The following SIRT5 variants were observed in gnomAD, a reference collection of about 807,000 sequenced individuals.
SIRT5 encodes the protein NAD-dependent protein deacylase sirtuin-5, mitochondrial.
A neutral mutation model predicts 40.0 loss-of-function variants in SIRT5; 26 were observed. That is an observed-to-expected ratio of 0.65 (90% confidence interval 0.48 to 0.90). The LOEUF (loss-of-function observed/expected upper bound fraction) is 0.90. Ranked by LOEUF, SIRT5 falls within the 40% of genes least tolerant of loss-of-function variation. SIRT5 has a pLI of 0.00. For synonymous variants in SIRT5, 146 were observed against 149.1 expected (o/e 0.98, Z 0.15); for missense variants, 401 against 402.4 (o/e 1.00, Z 0.03).
intron 6 of SIRT5, among the ~76,000 whole-genome samples, chr6:13,596,322 T>A (rs939472858): frequency 1.3e-5 from 2 of 152,182 alleles, no homozygotes; most frequent in Non-Finnish European, 2.9e-5. Context: ...CCACTCAGCC[T>A]TTTAAAAACA....
chr6:13,590,697 ATGTG>A, intron 4 of SIRT5, among the ~76,000 whole-genome samples: 1 of 149,746 alleles, frequency 6.7e-6, no homozygotes, highest in East Asian at 2.0e-4. Flanking sequence ...GTATGTAGAT[ATGTG>A]TGTATGTTTA....
chr6:13,601,190 C>T (rs1213930535), intron 9 of SIRT5, among the ~76,000 whole-genome samples: 2 of 152,268 alleles, frequency 1.3e-5, no homozygotes, highest in South Asian at 2.1e-4. Context: ...TTTGAACGCT[C>T]TTCTTGGATT....
intron 9 of SIRT5, among the ~76,000 whole-genome samples, chr6:13,610,532 GAT>G (rs1482935480): frequency 6.6e-6 from 1 of 152,204 alleles, no homozygotes; most frequent in African/African-American, 2.4e-5. Context: ...CACACTCGGG[GAT>G]GAGGTATCAT....
Position 13,600,947 on chromosome 6 carries a change from C to A in SIRT5, c.855C>A (p.Phe285Leu), listed in dbSNP as rs9464003. ...AGACCACCCCAGCTACGAACAGATTCAGGTACTGGGATACCCTGATGGGAG... is the reference window on the plus strand; with the variant it reads ...AGACCACCCCAGCTACGAACAGATTAAGGTACTGGGATACCCTGATGGGAG... ...NTETTPATNR[F>L]RFHFQGPCGT... Residue 285 changes from phenylalanine (F) to leucine (L), a missense_variant and splice_region_variant, in exon 9 of 10, where the codon TTC (phenylalanine) becomes TTA (leucine). Transcript: ENST00000606117. 2,382 of 1,612,222 alleles carry A rather than the reference C, an allele frequency of 1.5e-3. 29 individuals carry two copies. In the African/African-American group the frequency reaches 0.029, roughly 19 times the overall value.
At chr6:13,597,635 T>C (rs1761761014) in intron 7 of SIRT5, among the ~76,000 whole-genome samples, 1 of 152,054 alleles carries the variant, frequency 6.6e-6, no homozygotes, top group Non-Finnish European at 1.5e-5. Flanking sequence ...AACCTCCACC[T>C]CCTGGGTTGA....
Position 13,588,411 on chromosome 6 carries a change from G to A in SIRT5, c.196G>A (p.Gly66Ser). ...AGGAGCTGGTGTTAGTGCAGAAAGTGGTGTTCCGACCTTCAGAGGAGCTGG... is the reference window on the plus strand; with the variant it reads ...AGGAGCTGGTGTTAGTGCAGAAAGTAGTGTTCCGACCTTCAGAGGAGCTGG... ...ISGAGVSAES[G>S]VPTFRGAGGY... Residue 66 changes from glycine to serine, a missense_variant, in exon 4 of 10, where the codon GGT (glycine) becomes AGT (serine). Transcript: ENST00000606117. 6.2e-7 allele frequency: 1 copy of A among 1,614,186 alleles called. No homozygotes were observed. The highest frequency in any genetic ancestry group is 8.5e-7 in the Non-Finnish European group (1 of 1,180,032).
chr6:13,575,281 G>A (rs1758460011), intron 1 of SIRT5, among the ~76,000 whole-genome samples: 1 of 152,100 alleles, frequency 6.6e-6, no homozygotes, highest in South Asian at 2.1e-4. Flanking sequence ...ACCTGAAGAG[G>A]GTGGCGCCCG....
chr6:13,594,434 G>T (rs2804921), intron 5 of SIRT5, among the ~76,000 whole-genome samples: 36,243 of 152,076 alleles, frequency 0.24, 4,512 homozygotes, highest in Non-Finnish European at 0.27. Context: ...TTTCAGCTTT[G>T]CTCACTCTTT....
intron 5 of SIRT5, among the ~76,000 whole-genome samples, chr6:13,594,508 G>A (rs1311346660): frequency 3.3e-5 from 5 of 152,296 alleles, no homozygotes; most frequent in South Asian, 2.1e-4. Context: ...GAGTGCCTCC[G>A]ACGGCTCCAG....
chr6:13,579,809 C>T (rs1275350703), intron 2 of SIRT5, among the ~76,000 whole-genome samples, 200 bp downstream of exon 2: 1 of 152,192 alleles, frequency 6.6e-6, no homozygotes, highest in East Asian at 1.9e-4. Flanking sequence ...TATAAGGGTT[C>T]CCCATACTAC....
chr6:13,577,748 G>C (rs566228754), intron 1 of SIRT5, among the ~76,000 whole-genome samples: 1 of 148,028 alleles, frequency 6.8e-6, no homozygotes, highest in Non-Finnish European at 1.5e-5. Context: ...ATTATATATA[G>C]ATCTTATATA....
chr6:13,591,106 T>C (rs973991629), intron 4 of SIRT5, among the ~76,000 whole-genome samples: 13 of 151,896 alleles, frequency 8.6e-5, no homozygotes, highest in African/African-American at 3.1e-4. Context: ...TGTGTAGATA[T>C]GTGTAGTGTG....
rs1269840895 is a variant in SIRT5, at chr6:13,601,814, C to T, written c.857+865C>T. Among the ~76,000 whole-genome samples the T allele has an allele frequency of 2.0e-5, 3 of 151,202 alleles. No individual in the cohort carries two copies. In the East Asian group the frequency reaches 5.8e-4, roughly 29 times the overall value. Reference sequence around the variant, plus strand: ...CTGTGTGCAGCCAGGATAGGAACCACTCTTCTAAGTCTTTGCTGGGATTTA... The same window carrying T: ...CTGTGTGCAGCCAGGATAGGAACCATTCTTCTAAGTCTTTGCTGGGATTTA... On this transcript the variant is annotated intron_variant, in intron 9 of 9. Coordinates refer to ENST00000606117, the MANE Select transcript of SIRT5 (RefSeq NM_012241.5).
chr6:13,605,919 T>G (rs1763043644), intron 9 of SIRT5, among the ~76,000 whole-genome samples: 1 of 152,262 alleles, frequency 6.6e-6, no homozygotes, highest in South Asian at 2.1e-4. Context: ...TAAATTTCTC[T>G]AAATGTTGGA....
At chr6:13,610,591 G>A (rs921838093) in intron 9 of SIRT5, among the ~76,000 whole-genome samples, 9 of 152,158 alleles carry the variant, frequency 5.9e-5, no homozygotes, top group South Asian at 2.1e-4. Context: ...TTTGTAAGGC[G>A]GAAGAAGGCT....
At chr6:13,604,740 A>G in intron 9 of SIRT5, 1 of 1,321,298 alleles carries the variant, frequency 7.6e-7, no homozygotes, top group Non-Finnish European at 9.6e-7. Flanking sequence ...GATTCTTGGC[A>G]TGTAATATAT....
rs1483876258 is a variant in SIRT5 at position 13,612,731 on chromosome 6, A to G, written c.*866A>G. On this transcript the variant is annotated 3_prime_UTR_variant, in exon 10 of 10. Coordinates refer to ENST00000606117, the MANE Select transcript of SIRT5 (RefSeq NM_012241.5). Reference sequence around the variant, plus strand: ...AACTCACACAAAGAAGGAAGAGAACAGTACCAACAAGGTAGAACATCACGA... The same window carrying G: ...AACTCACACAAAGAAGGAAGAGAACGGTACCAACAAGGTAGAACATCACGA... 6.6e-6 allele frequency: 1 copy of G among 152,298 alleles called. No homozygotes were observed. Among genetic ancestry groups the G allele is most frequent in the Admixed American group, 6.5e-5 (1 of 15,290 alleles). The allele number at this position is 152,298 out of a possible 1,614,324, so 9.4% of individuals were successfully genotyped here.
At chr6:13,604,106 A>T (rs965543453) in intron 9 of SIRT5, among the ~76,000 whole-genome samples, 1 of 152,216 alleles carries the variant, frequency 6.6e-6, no homozygotes, top group Non-Finnish European at 1.5e-5. Flanking sequence ...AATGCTCTAA[A>T]GTTGATTGTG....
At chr6:13,583,887 C>G (rs1759704060) in intron 2 of SIRT5, among the ~76,000 whole-genome samples, 189 bp from the exon 3 acceptor site, 1 of 152,100 alleles carries the variant, frequency 6.6e-6, no homozygotes, top group Non-Finnish European at 1.5e-5. Flanking sequence ...CGGAAAACAG[C>G]CAGTTCAGAG....
Sources: gnomAD v4.1 joint callset for allele counts (sites outside exome capture counted in the v4.1 genomes callset) on GRCh38, gnomAD v4.1.1 for gene constraint, MANE v1.5 for transcripts, NCBI Gene and HGNC (gene_info 2026-07-23, HGNC 2026-07-21) for gene names.